PTPRM: variants seen among roughly 807,000 people sequenced by gnomAD.
PTPRM encodes the protein receptor-type tyrosine-protein phosphatase mu.
PTPRM carries 47 observed loss-of-function variants against 186.7 expected under a neutral mutation model. The ratio of observed to expected loss-of-function variants is 0.25; its 90% CI spans 0.20 to 0.32. The LOEUF (loss-of-function observed/expected upper bound fraction) is 0.32, where lower values mean the gene tolerates loss of function less well. Ranked by LOEUF, PTPRM falls within the 10% of genes least tolerant of loss-of-function variation. The pLI, the probability that PTPRM is intolerant of heterozygous loss-of-function variation, is 1.00. For missense variants in PTPRM, 1,494 were observed against 1,865.0 expected, an observed-to-expected ratio of 0.80 and a Z score of 3.66; for synonymous variants, 668 against 674.9, an observed-to-expected ratio of 0.99 and a Z score of 0.16.
intron 19 of PTPRM, among the ~76,000 whole-genome samples, chr18:8,288,301 G>C (rs1199730046): frequency 6.6e-6 from 1 of 152,182 alleles, no homozygotes; most frequent in African/African-American, 2.4e-5. Context: ...GCAGCTGAGA[G>C]CTTCATCATT....
chr18:7,826,308 G>T (rs2045481357), intron 2 of PTPRM, among the ~76,000 whole-genome samples: 1 of 152,226 alleles, frequency 6.6e-6, no homozygotes, highest in Non-Finnish European at 1.5e-5. Flanking sequence ...TCACAAAATG[G>T]TAAGCCTTGC....
rs200441553 is a variant in PTPRM at position 8,375,185 on chromosome 18, CTCTT to C, written c.3172-853_3172-850del. Reference sequence around the variant, plus strand: ...TAAAACCAAGAGCAAACCGTAAAGTCTCTTTCTTTCTGCCTTCACTACAGTTGAG... The same window carrying C: ...TAAAACCAAGAGCAAACCGTAAAGTCTCTTTCTGCCTTCACTACAGTTGAG... On this transcript the variant is annotated intron_variant, in intron 24 of 32. Coordinates refer to ENST00000580170, the MANE Select transcript of PTPRM (RefSeq NM_001105244.2). Among the ~76,000 whole-genome samples, 932 of 152,328 alleles carry C rather than the reference CTCTT, an allele frequency of 6.1e-3. 14 individuals are homozygous for C. The highest frequency in any genetic ancestry group is 0.022 in the African/African-American group (902 of 41,588).
chr18:8,394,548 C>T lies in PTPRM; in HGVS notation c.4281C>T (p.Thr1427=), dbSNP rs753179763. The T allele has an allele frequency of 1.1e-5, 17 of 1,613,548 alleles. No homozygotes were observed. The East Asian group carries it at 1.1e-4, about 11-fold the overall frequency. ...IVCEMLRHQR[T]VDVFHAVKTL... Reference sequence around the variant, plus strand: ...GTGAGATGCTCCGGCACCAGAGAACCGTGGATGTCTTTCACGCTGTGAAGA... The same window carrying T: ...GTGAGATGCTCCGGCACCAGAGAACTGTGGATGTCTTTCACGCTGTGAAGA... The change falls in exon 32 of 33, where the codon ACC becomes ACT. Residue 1427 remains threonine, a synonymous_variant. Coordinates refer to ENST00000580170, the MANE Select transcript of PTPRM (RefSeq NM_001105244.2).
At chr18:8,097,934 G>C (rs568035985) in intron 11 of PTPRM, among the ~76,000 whole-genome samples, 1 of 152,270 alleles carries the variant, frequency 6.6e-6, no homozygotes, top group South Asian at 2.1e-4. Context: ...TACAGCAGTG[G>C]TCCTGAAATA....
chr18:7,954,392 T>A (rs2053179546), intron 6 of PTPRM, among the ~76,000 whole-genome samples: 1 of 152,194 alleles, frequency 6.6e-6, no homozygotes, highest in Non-Finnish European at 1.5e-5. Flanking sequence ...GACTTCATTA[T>A]CCAGAATGCT....
chr18:8,342,056 G>T (rs538749143), intron 22 of PTPRM, among the ~76,000 whole-genome samples: 1 of 152,104 alleles, frequency 6.6e-6, no homozygotes, highest in South Asian at 2.1e-4. Flanking sequence ...AGTCAGAAGC[G>T]GCAAGGGAGA....
chr18:7,984,941 A>ATAAT (rs1463052933), intron 7 of PTPRM, among the ~76,000 whole-genome samples: 1 of 43,816 alleles, frequency 2.3e-5, no homozygotes, highest in Non-Finnish European at 5.2e-5. Context: ...ATATATACAT[A>ATAAT]TATATACATA....
At chr18:8,108,612 T>C (rs1235180223) in intron 11 of PTPRM, among the ~76,000 whole-genome samples, 3 of 152,190 alleles carry the variant, frequency 2.0e-5, no homozygotes, top group African/African-American at 7.2e-5. Context: ...TCTAAAAAAG[T>C]AGATGAAAGA....
chr18:8,384,951 C>G (rs141530849), intron 30 of PTPRM, among the ~76,000 whole-genome samples: 48 of 152,320 alleles, frequency 3.2e-4, no homozygotes, highest in Non-Finnish European at 6.5e-4. Flanking sequence ...GTCACAGGAC[C>G]TTGCAGTGGG....
intron 1 of PTPRM, among the ~76,000 whole-genome samples, chr18:7,648,544 C>G (rs1356116157): frequency 6.6e-6 from 1 of 152,146 alleles, no homozygotes; most frequent in Non-Finnish European, 1.5e-5. Context: ...ATTGAAAGTG[C>G]CACTACAGTG....
chr18:7,804,810 G>A (rs1250598991), intron 2 of PTPRM, among the ~76,000 whole-genome samples: 1 of 152,138 alleles, frequency 6.6e-6, no homozygotes, highest in Non-Finnish European at 1.5e-5. Context: ...TTTGTCAGCA[G>A]ATTTAATCTC....
intron 20 of PTPRM, among the ~76,000 whole-genome samples, chr18:8,312,340 CTG>C (rs1379335587): frequency 2.6e-4 from 39 of 152,094 alleles, no homozygotes; most frequent in African/African-American, 9.4e-4. Flanking sequence ...CAGGGAGCCA[CTG>C]GTTTTAAGCA....
chr18:7,948,057 G>T (rs2052664383), intron 5 of PTPRM, among the ~76,000 whole-genome samples: 1 of 151,098 alleles, frequency 6.6e-6, no homozygotes, highest in African/African-American at 2.4e-5. Flanking sequence ...TTAGCCTTGA[G>T]GTCTTTGTCC....
At chr18:8,123,667 A>C (rs2092251760) in intron 13 of PTPRM, among the ~76,000 whole-genome samples, 1 of 152,156 alleles carries the variant, frequency 6.6e-6, no homozygotes, top group African/African-American at 2.4e-5. Context: ...TTCTTCCCAC[A>C]AGTAAAAGTA....
At chr18:8,100,449 C>T (rs7236194) in intron 11 of PTPRM, among the ~76,000 whole-genome samples, 8,116 of 152,232 alleles carry the variant, frequency 0.053, 263 homozygotes, top group Middle Eastern at 0.2. Flanking sequence ...CCAGATGCCA[C>T]ACGTTTTTAA....
intron 32 of PTPRM, among the ~76,000 whole-genome samples, chr18:8,397,911 C>T (rs907501017): frequency 6.6e-6 from 1 of 152,192 alleles, no homozygotes; most frequent in East Asian, 1.9e-4. Flanking sequence ...GACTCCCCTC[C>T]ACAGCCTAGT....
intron 1 of PTPRM, among the ~76,000 whole-genome samples, chr18:7,628,150 T>TCA (rs1171665404): frequency 6.6e-6 from 1 of 151,686 alleles, no homozygotes; most frequent in Non-Finnish European, 1.5e-5. Flanking sequence ...TGAGACTCCA[T>TCA]CACACACACA....
At chr18:7,803,672 G>T (rs2044086898) in intron 2 of PTPRM, among the ~76,000 whole-genome samples, 2 of 152,158 alleles carry the variant, frequency 1.3e-5, no homozygotes, top group South Asian at 4.1e-4. Flanking sequence ...GAGAAGAGAA[G>T]GGGCTGAAGA....
intron 4 of PTPRM, among the ~76,000 whole-genome samples, chr18:7,924,464 C>G (rs985188425): frequency 6.6e-6 from 1 of 152,050 alleles, no homozygotes; most frequent in African/African-American, 2.4e-5. Flanking sequence ...GAACTCTATT[C>G]ATGTTGGGGA....
Sources: gnomAD v4.1 joint callset for allele counts (sites outside exome capture counted in the v4.1 genomes callset) on GRCh38, gnomAD v4.1.1 for gene constraint, MANE v1.5 for transcripts, NCBI Gene and HGNC (gene_info 2026-07-23, HGNC 2026-07-21) for gene names.